Variants in IL1RL2 observed in about 807,000 individuals in gnomAD.
The protein encoded by IL1RL2 is interleukin-1 receptor-like 2.
IL1RL2 carries 68 observed loss-of-function variants against 66.8 expected under a neutral mutation model. That is an observed-to-expected ratio of 1.02 (90% confidence interval 0.84 to 1.25). IL1RL2 has a LOEUF of 1.25. Ranked by LOEUF, IL1RL2 falls within the 50% of genes most tolerant of loss-of-function variation. The pLI, the probability that IL1RL2 is intolerant of heterozygous loss-of-function variation, is 0.00. For synonymous variants in IL1RL2, 305 were observed against 264.6 expected (o/e 1.15, Z -1.48); for missense variants, 729 against 709.3 (o/e 1.03, Z -0.32).
rs745675706 is a variant in IL1RL2, at chr2:102,201,675, G to A, written c.609G>A (p.Gly203=). ...GTCAAGCCATACTGACACACTCAGG[G>A]AAGCAGTACGAGGTTTTAAATGGCA... is the stretch of plus-strand genomic sequence containing the variant. ...YACQAILTHS[G]KQYEVLNGIT... Residue 203 remains glycine (G), a synonymous_variant, in exon 5 of 12, where the codon GGG becomes GGA. Coordinates refer to ENST00000264257, the MANE Select transcript of IL1RL2 (RefSeq NM_003854.4). The A allele has an allele frequency of 2.5e-6, 4 of 1,614,088 alleles. No homozygotes were observed. Among genetic ancestry groups the A allele is most frequent in the Non-Finnish European group, 3.4e-6 (4 of 1,179,972 alleles).
At chr2:102,212,739 C>A (rs1169579869) in intron 6 of IL1RL2, among the ~76,000 whole-genome samples, 1 of 152,038 alleles carries the variant, frequency 6.6e-6, no homozygotes. Context: ...GAGGCTGAGG[C>A]AGGCAGATCA....
At chr2:102,232,113 C>CTTTT (rs70946680) in intron 9 of IL1RL2, among the ~76,000 whole-genome samples, 3 of 144,310 alleles carry the variant, frequency 2.1e-5, no homozygotes, top group Admixed American at 6.9e-5. Context: ...TCCTTGAACT[C>CTTTT]TTTTTTTTTT....
intron 9 of IL1RL2, among the ~76,000 whole-genome samples, chr2:102,229,692 A>G (rs1690947578): frequency 6.6e-6 from 1 of 152,264 alleles, no homozygotes. Context: ...AAAGTGATGA[A>G]AAGTCACTAC....
chr2:102,216,385 T>C (rs1689612441), intron 6 of IL1RL2, among the ~76,000 whole-genome samples: 1 of 152,200 alleles, frequency 6.6e-6, no homozygotes, highest in Admixed American at 6.5e-5. Context: ...GCTTTTGTTT[T>C]CCATTTGCAT....
intron 7 of IL1RL2, 81 bp from the exon 8 acceptor site, chr2:102,219,800 C>A (rs972697467): frequency 2.2e-6 from 3 of 1,383,670 alleles, no homozygotes; most frequent in Non-Finnish European, 3.0e-6. Context: ...AAAGAAAACA[C>A]TTTATCTCCA....
chr2:102,200,138 A>T (rs1293332521), intron 4 of IL1RL2, among the ~76,000 whole-genome samples: 1 of 150,362 alleles, frequency 6.7e-6, no homozygotes, highest in Non-Finnish European at 1.5e-5. Flanking sequence ...AAAAAAAAAA[A>T]AGTGCTTGTC....
At chr2:102,209,859 A>G (rs1338429773) in intron 5 of IL1RL2, among the ~76,000 whole-genome samples, 1 of 152,158 alleles carries the variant, frequency 6.6e-6, no homozygotes, top group Non-Finnish European at 1.5e-5. Flanking sequence ...CTCTCCTTCA[A>G]GCAATCATTT....
intron 9 of IL1RL2, among the ~76,000 whole-genome samples, chr2:102,227,645 G>T (rs942029760): frequency 7.4e-4 from 112 of 152,076 alleles, no homozygotes; most frequent in African/African-American, 2.6e-3. Context: ...GCTCTCTCCT[G>T]CTTGCGTCTT....
chr2:102,190,461 G>A (rs890080379), intron 3 of IL1RL2, among the ~76,000 whole-genome samples: 2 of 152,148 alleles, frequency 1.3e-5, no homozygotes, highest in Admixed American at 6.5e-5. Context: ...TGTGAAGTAG[G>A]TACTCCATTC....
At chr2:102,223,897 G>A (rs557897752) in intron 8 of IL1RL2, among the ~76,000 whole-genome samples, 10 of 152,318 alleles carry the variant, frequency 6.6e-5, no homozygotes, top group African/African-American at 2.4e-4. Context: ...ATTGAAGTGA[G>A]AGGTTCTCAC....
intron 5 of IL1RL2, among the ~76,000 whole-genome samples, chr2:102,207,221 T>C (rs944963625): frequency 6.6e-6 from 1 of 152,104 alleles, no homozygotes; most frequent in Admixed American, 6.5e-5. Flanking sequence ...CTCAAGAGCC[T>C]GCTTCATGAC....
intron 11 of IL1RL2, among the ~76,000 whole-genome samples, chr2:102,238,469 A>G (rs1254949804): frequency 6.6e-6 from 1 of 152,214 alleles, no homozygotes; most frequent in African/African-American, 2.4e-5. Flanking sequence ...GAATGTGCTC[A>G]GGGAGCCTCA....
chr2:102,222,892 A>G (rs531823215), intron 8 of IL1RL2, among the ~76,000 whole-genome samples: 1 of 152,300 alleles, frequency 6.6e-6, no homozygotes, highest in Admixed American at 6.5e-5. Context: ...ATCTGTCCCA[A>G]CCTAGAAGTT....
At position 102,189,285 on chromosome 2, in the gene IL1RL2, T is replaced by A. The variant is rs765151788; in HGVS notation, c.268T>A (p.Ser90Thr). The A allele has an allele frequency of 1.1e-5, 17 of 1,608,216 alleles. No homozygotes were observed. The highest frequency in any genetic ancestry group is 1.4e-5 in the Non-Finnish European group (16 of 1,175,286). The part of the protein sequence containing the change: ...ILFLPMEWGD[S>T]GVYQCVIKGR... ...GTTTCTCCCCATGGAATGGGGGGAC[T>A]CAGGAGTCTACCAATGTGTTATAAA... The change falls in exon 3 of 12, where the codon TCA (serine) becomes ACA (threonine). Residue 90 changes from serine (S) to threonine (T), a missense_variant. By Grantham distance (58) the Ser-to-Thr change is moderately conservative. Coordinates refer to ENST00000264257, the MANE Select transcript of IL1RL2 (RefSeq NM_003854.4).
intron 5 of IL1RL2, among the ~76,000 whole-genome samples, chr2:102,203,336 TTCTC>T (rs202014740): frequency 7.3e-6 from 1 of 136,538 alleles, no homozygotes; most frequent in Non-Finnish European, 1.7e-5. Flanking sequence ...GCCTATAGTT[TTCTC>T]TCTCTTTTTT....
rs113730364 is a variant in IL1RL2, at chr2:102,239,693, A to G, written c.*452A>G. ...TGAGAGCTGGGAGCATCCCCATGTC[A>G]TGGTGGGCGAGATCTGGGGGGTATC... On this transcript the variant is annotated 3_prime_UTR_variant, in exon 12 of 12. Transcript: ENST00000264257. The G allele has an allele frequency of 8.7e-3, 1,527 of 175,408 alleles. 29 individuals carry two copies. Among genetic ancestry groups the G allele is most frequent in the African/African-American group, 0.035 (1,472 of 42,088 alleles). The allele number at this position is 175,408 out of a possible 1,614,324, so 10.9% of individuals were successfully genotyped here.
chr2:102,235,852 G>A, intron 11 of IL1RL2: 1 of 985,436 alleles, frequency 1.0e-6, no homozygotes, highest in Non-Finnish European at 1.2e-6. Flanking sequence ...GCTTCCAGAA[G>A]CAAGTTAAAA....
intron 11 of IL1RL2, chr2:102,235,911 G>T (rs1674835857): frequency 1.0e-6 from 1 of 985,242 alleles, no homozygotes; most frequent in African/African-American, 1.7e-5. Flanking sequence ...ACTGCCTCTT[G>T]GTCACCCTTC....
chr2:102,187,198 TCAGGCCCCC>T (rs1686753940), intron 1 of IL1RL2, 112 bp downstream of exon 1: 2 of 1,226,248 alleles, frequency 1.6e-6, no homozygotes, highest in African/African-American at 1.5e-5. Flanking sequence ...AGGCCAGGGA[TCAGGCCCCC>T]CAGGCCGGCC....
Sources: gnomAD v4.1 joint callset for allele counts (sites outside exome capture counted in the v4.1 genomes callset) on GRCh38, gnomAD v4.1.1 for gene constraint, MANE v1.5 for transcripts, NCBI Gene and HGNC (gene_info 2026-07-23, HGNC 2026-07-21) for gene names.